Variants in CCS observed in about 807,000 individuals in gnomAD.
The protein encoded by CCS is superoxide dismutase copper chaperone.
Under a neutral mutation model 35.5 loss-of-function variants are expected in CCS, and 32 were observed. The observed-to-expected ratio is 0.90, with a 90% CI of 0.68 to 1.21. The LOEUF (loss-of-function observed/expected upper bound fraction) is 1.21. Ranked by LOEUF, CCS falls within the 50% of genes most tolerant of loss-of-function variation. CCS has a pLI of 0.00. For synonymous variants in CCS, 130 were observed against 147.2 expected (o/e 0.88, Z 0.84); for missense variants, 342 against 375.4 (o/e 0.91, Z 0.73).
chr11:66,593,312 G>A lies in CCS; in HGVS notation c.39+12G>A, dbSNP rs775516024. 7 of 1,523,382 alleles carry A rather than the reference G, an allele frequency of 4.6e-6. No individual in the cohort carries two copies. The East Asian group carries it at 9.7e-5, about 21-fold the overall frequency. The allele number at this position is 1,523,382 out of a possible 1,614,324, so 94.4% of individuals were successfully genotyped here. A position where few individuals can be genotyped will look rare whatever the true frequency, so the allele number is the denominator to read the frequency against. ...GGACCCTCTGCACGGTGAGGGTCGAGGCTTCGTGTGGAGCCTCGCCGGGCA... is the reference window on the plus strand; with the variant it reads ...GGACCCTCTGCACGGTGAGGGTCGAAGCTTCGTGTGGAGCCTCGCCGGGCA... On this transcript the variant is annotated intron_variant, in intron 1 of 7. Coordinates refer to ENST00000533244, the MANE Select transcript of CCS (RefSeq NM_005125.2).
rs368320132 is a variant in CCS at position 66,593,634 on chromosome 11, C to A, written c.40-8C>A. On this transcript the variant is annotated splice_region_variant and splice_polypyrimidine_tract_variant and intron_variant, in intron 1 of 7. Coordinates refer to ENST00000533244, the MANE Select transcript of CCS (RefSeq NM_005125.2). ...GCGATCATCGGTTGGTCCCTGCCGC[C>A]CTTGCAGTTGGAGTTCGCGGTGCAG... 1 of 1,613,388 alleles carries A rather than the reference C, an allele frequency of 6.2e-7. No homozygotes were observed. Among genetic ancestry groups the A allele is most frequent in the Admixed American group, 1.7e-5 (1 of 59,990 alleles).
At position 66,605,863 on chromosome 11, in the gene CCS, C is replaced by G; in HGVS notation, c.*8C>G. ...CCCCCTGCCCACCTTTGAGCAGGAC[C>G]TCACCTTGGCTCTGTTGCTGTCCTC... is the stretch of plus-strand genomic sequence containing the variant. On this transcript the variant is annotated 3_prime_UTR_variant, in exon 8 of 8. Coordinates refer to ENST00000533244, the MANE Select transcript of CCS (RefSeq NM_005125.2). The G allele has an allele frequency of 2.6e-6, 4 of 1,515,206 alleles. No individual in the cohort carries two copies. Among genetic ancestry groups the G allele is most frequent in the Non-Finnish European group, 1.8e-6 (2 of 1,132,742 alleles). The allele number at this position is 1,515,206 out of a possible 1,614,324, so 93.9% of individuals were successfully genotyped here. A position where few individuals can be genotyped will look rare whatever the true frequency, so the allele number is the denominator to read the frequency against.
rs1858626394 is a variant in CCS at position 66,604,690 on chromosome 11, T to C, written c.490-649T>C. 1.3e-5 allele frequency among the ~76,000 whole-genome samples: 2 copies of C among 152,174 alleles called. 1 individual carries two copies. Among genetic ancestry groups the C allele is most frequent in the South Asian group, 4.1e-4 (2 of 4,824 alleles). On this transcript the variant is annotated intron_variant, in intron 5 of 7. Transcript: ENST00000533244. ...GTGACCTGCATACTCCCTGCCATGT[T>C]GGGTAGTGTGTCTGACCTAGGAGGT...
chr11:66,593,216 C>A lies in CCS; in HGVS notation c.-46C>A, dbSNP rs752579107. 5.2e-6 allele frequency: 8 copies of A among 1,550,734 alleles called. No individual in the cohort carries two copies. In the African/African-American group the frequency reaches 1.1e-4, roughly 21 times the overall value. On this transcript the variant is annotated 5_prime_UTR_variant, in exon 1 of 8. In the 5' UTR this introduces an upstream ATG that the reference lacks. Coordinates refer to ENST00000533244, the MANE Select transcript of CCS (RefSeq NM_005125.2). ...CGCGACGCCGCGCTGGTTGGTGCTC[C>A]TGCGCCGGAGGAGTTCTGCGTCTCG...
chr11:66,605,631 G>A (rs200226038), intron 7 of CCS, 39 bp downstream of exon 7: 27 of 1,601,530 alleles, frequency 1.7e-5, no homozygotes, highest in Middle Eastern at 1.7e-4. Context: ...TGTGCTCTGC[G>A]GATGGTGCAT....
chr11:66,594,774 CA>C lies in CCS; in HGVS notation c.112+1080del, dbSNP rs992030660. Among the ~76,000 whole-genome samples the C allele has an allele frequency of 0.02, 1,298 of 65,014 alleles. 40 individuals carry two copies. In the East Asian group the frequency reaches 0.22, roughly 11 times the overall value. The allele number at this position is 65,014 out of a possible 152,430, so 42.7% of individuals were successfully genotyped here. On this transcript the variant is annotated intron_variant, in intron 2 of 7. Transcript: ENST00000533244. ...TGGGTGACAGAGTGAGACCCTCTCT[CA>C]AAAAAAAAAAAAAAAAAAACAAGTT...
At chr11:66,599,719 T>C in intron 4 of CCS, 83 bp downstream of exon 4, 2 of 1,301,174 alleles carry the variant, frequency 1.5e-6, no homozygotes, top group Non-Finnish European at 2.1e-6. Context: ...GTGAGGCACA[T>C]ACACACAGGC....
At chr11:66,599,956 C>T (rs200364786) in intron 4 of CCS, 16 of 252,868 alleles carry the variant, frequency 6.3e-5, no homozygotes, top group South Asian at 8.9e-5. Context: ...TCTCTACTAA[C>T]AATACAAAAA....
intron 7 of CCS, 44 bp downstream of exon 7, chr11:66,605,636 G>T (rs971069898): frequency 1.3e-6 from 2 of 1,592,932 alleles, no homozygotes; most frequent in African/African-American, 2.7e-5. Context: ...TCTGCGGATG[G>T]TGCATGAGGA....
At chr11:66,595,715 G>A (rs1858466208) in intron 2 of CCS, among the ~76,000 whole-genome samples, 1 of 152,152 alleles carries the variant, frequency 6.6e-6, no homozygotes, top group Non-Finnish European at 1.5e-5. Flanking sequence ...CCAACCAAGG[G>A]TGGGCCTGGC....
Position 66,605,500 on chromosome 11 carries a change from G to A in CCS, c.579G>A (p.Val193=). The part of the protein sequence containing the change: ...MEDEQLKVWD[V]IGRSLIIDEG... The stretch of plus-strand genomic sequence containing the variant: ...GTCTCCCCTCAAAGGTGTGGGATGT[G>A]ATTGGCCGCAGCCTGATTATTGATG... Residue 193 remains valine, a synonymous_variant, in exon 7 of 8, where the codon GTG becomes GTA. Transcript: ENST00000533244. 6.2e-7 allele frequency: 1 copy of A among 1,614,060 alleles called. No individual in the cohort carries two copies. Among genetic ancestry groups the A allele is most frequent in the South Asian group, 1.1e-5 (1 of 91,058 alleles).
chr11:66,599,325 G>A (rs1461717271), intron 3 of CCS, 72 bp downstream of exon 3: 1 of 1,514,446 alleles, frequency 6.6e-7, no homozygotes, highest in Non-Finnish European at 8.8e-7. Context: ...CTAATCATAG[G>A]ATTCTCAGGC....
At chr11:66,600,090 C>T (rs550599195) in intron 4 of CCS, 16 of 178,872 alleles carry the variant, frequency 8.9e-5, no homozygotes, top group African/African-American at 3.8e-4. Flanking sequence ...GAGATTGCAC[C>T]ACGGCACTCC....
chr11:66,594,797 A>C (rs1374744529), intron 2 of CCS, among the ~76,000 whole-genome samples: 1 of 151,450 alleles, frequency 6.6e-6, no homozygotes, highest in Non-Finnish European at 1.5e-5. Flanking sequence ...AAAAAAAACA[A>C]GTTCACCCAG....
intron 2 of CCS, among the ~76,000 whole-genome samples, chr11:66,598,196 C>T (rs1173847184): frequency 6.6e-6 from 1 of 151,994 alleles, no homozygotes; most frequent in Non-Finnish European, 1.5e-5. Flanking sequence ...ATTTTTATCA[C>T]TTCATAAAGA....
Position 66,593,337 on chromosome 11 carries a change from A to T in CCS, c.39+37A>T, listed in dbSNP as rs751240933. ...GGCTTCGTGTGGAGCCTCGCCGGGC[A>T]GAGAGCCTCGGCCCCTGGGATGATC... On this transcript the variant is annotated intron_variant, in intron 1 of 7. Transcript: ENST00000533244. 2.0e-6 allele frequency: 3 copies of T among 1,489,664 alleles called. No individual in the cohort carries two copies. In the South Asian group the frequency reaches 3.9e-5, roughly 19 times the overall value. 92.3% of individuals were successfully genotyped at this position (1,489,664 alleles called of 1,614,324 possible).
intron 5 of CCS, among the ~76,000 whole-genome samples, chr11:66,604,748 C>T (rs1035206471): frequency 1.5e-4 from 23 of 152,130 alleles, no homozygotes; most frequent in African/African-American, 4.8e-4. Flanking sequence ...TTTTTATTAC[C>T]GTCAAAGGAG....
rs1858512836 is a variant in CCS at position 66,598,309 on chromosome 11, C to G, written c.113-807C>G. ...CTGAGGTCAGGAGTTCGAGAGCAGCCTGGCCAACATGGTGAAACCCCATGT... is the reference window on the plus strand; with the variant it reads ...CTGAGGTCAGGAGTTCGAGAGCAGCGTGGCCAACATGGTGAAACCCCATGT... On this transcript the variant is annotated intron_variant, in intron 2 of 7. Coordinates refer to ENST00000533244, the MANE Select transcript of CCS (RefSeq NM_005125.2). Among the ~76,000 whole-genome samples the G allele has an allele frequency of 2.0e-5, 3 of 151,058 alleles. No individual in the cohort carries two copies. The Admixed American group carries it at 2.0e-4, about 10-fold the overall frequency.
In CCS at chr11:66,599,652, T is replaced by A. The variant is rs545768070; in HGVS notation, c.428+16T>A. The A allele has an allele frequency of 6.2e-7, 1 of 1,608,726 alleles. No individual in the cohort carries two copies. The highest frequency in any genetic ancestry group is 2.2e-5 in the East Asian group (1 of 44,614). ...ACTGCAACAGGTGAGTTGTCTGAAG[T>A]CTCCCCAGTAGCATTCTCAGCTACA... is the stretch of plus-strand genomic sequence containing the variant. On this transcript the variant is annotated intron_variant, in intron 4 of 7. Coordinates refer to ENST00000533244, the MANE Select transcript of CCS (RefSeq NM_005125.2).
Sources: gnomAD v4.1 joint callset for allele counts (sites outside exome capture counted in the v4.1 genomes callset) on GRCh38, gnomAD v4.1.1 for gene constraint, MANE v1.5 for transcripts, NCBI Gene and HGNC (gene_info 2026-07-23, HGNC 2026-07-21) for gene names.